The following NALF1 variants were observed in gnomAD, a reference collection of about 807,000 sequenced individuals.
NALF1 encodes the protein family with sequence similarity 155 member A.
In NALF1, 3 loss-of-function variants were observed where a neutral mutation model predicts 48.4. The observed-to-expected ratio is 0.06, with a 90% CI of 0.03 to 0.16. The LOEUF is 0.16. NALF1 is among the 10% of genes least tolerant of loss of function. NALF1 has a pLI of 1.00. For missense variants in NALF1, 526 were observed against 571.5 expected (o/e 0.92, Z 0.81); for synonymous variants, 262 against 245.7 (o/e 1.07, Z -0.62).
At chr13:107,339,126 T>C (rs539160266) in intron 1 of NALF1, among the ~76,000 whole-genome samples, 154 of 107,194 alleles carry the variant, frequency 1.4e-3, no homozygotes, top group Non-Finnish European at 2.0e-3. Context: ...AGAGGGAGAC[T>C]CTGTCTCAGA....
At chr13:107,749,128 T>TTG (rs58213843) in intron 1 of NALF1, among the ~76,000 whole-genome samples, 4,356 of 147,402 alleles carry the variant, frequency 0.03, 193 homozygotes, top group African/African-American at 0.095. Flanking sequence ...ATGTCTATAA[T>TTG]TGTGTGTGTG....
At chr13:107,404,147 G>T (rs918761859) in intron 1 of NALF1, among the ~76,000 whole-genome samples, 1 of 152,112 alleles carries the variant, frequency 6.6e-6, no homozygotes, top group African/African-American at 2.4e-5. Flanking sequence ...TGAAAGAGAT[G>T]TGGGATCAAA....
intron 1 of NALF1, among the ~76,000 whole-genome samples, chr13:107,695,154 T>C (rs576781749): frequency 1.6e-4 from 24 of 152,120 alleles, no homozygotes; most frequent in Non-Finnish European, 2.6e-4. Context: ...GGAAGTTCCT[T>C]ACCCTCTAAG....
chr13:107,663,618 A>G (rs1880783809), intron 1 of NALF1, among the ~76,000 whole-genome samples: 1 of 152,174 alleles, frequency 6.6e-6, no homozygotes, highest in African/African-American at 2.4e-5. Context: ...CTCATGCTAA[A>G]TTCTCCATAT....
chr13:107,256,370 C>T (rs1314548837), intron 1 of NALF1, among the ~76,000 whole-genome samples: 1 of 152,130 alleles, frequency 6.6e-6, no homozygotes, highest in African/African-American at 2.4e-5. Context: ...AGTATTTACA[C>T]CACAGAAACT....
chr13:107,535,802 C>T (rs926693420), intron 1 of NALF1, among the ~76,000 whole-genome samples: 4 of 152,132 alleles, frequency 2.6e-5, no homozygotes, highest in African/African-American at 7.2e-5. Flanking sequence ...AAGCTGGAGG[C>T]ATCATGCTAC....
intron 1 of NALF1, among the ~76,000 whole-genome samples, chr13:107,658,058 T>C (rs1880630612): frequency 6.6e-6 from 1 of 152,192 alleles, no homozygotes; most frequent in African/African-American, 2.4e-5. Flanking sequence ...AGGGACCCTT[T>C]AAAATGCCGA....
intron 2 of NALF1, among the ~76,000 whole-genome samples, chr13:107,174,387 C>T (rs1229515308): frequency 2.0e-5 from 3 of 151,254 alleles, no homozygotes; most frequent in Non-Finnish European, 4.4e-5. Context: ...GACAGAGTCT[C>T]GCTCTGTCGC....
intron 1 of NALF1, among the ~76,000 whole-genome samples, chr13:107,384,616 C>A (rs1313343235): frequency 6.6e-6 from 1 of 151,910 alleles, no homozygotes; most frequent in African/African-American, 2.4e-5. Flanking sequence ...TAAATAAAAC[C>A]AGGCAAGGCA....
In NALF1 at chr13:107,480,586, A is replaced by G. The variant is rs1180405841; in HGVS notation, c.916-269831T>C. ...ACACTAATGACAGCTGATGAGTTAA[A>G]AACAAAATCCCCCCAAAAAGTCTCA... is the stretch of plus-strand genomic sequence containing the variant. On this transcript the variant is annotated intron_variant, in intron 1 of 2. Transcript: ENST00000375915. Among the ~76,000 whole-genome samples the G allele has an allele frequency of 2.0e-5, 3 of 152,196 alleles. No individual in the cohort carries two copies. The South Asian group carries it at 6.2e-4, about 32-fold the overall frequency.
intron 1 of NALF1, among the ~76,000 whole-genome samples, chr13:107,668,799 G>C (rs1223967544): frequency 1.3e-5 from 2 of 151,822 alleles, no homozygotes; most frequent in African/African-American, 4.8e-5. Flanking sequence ...TTATAATTTA[G>C]TTATGGTTCA....
chr13:107,209,804 T>A (rs1230908853), intron 2 of NALF1, among the ~76,000 whole-genome samples: 2 of 152,162 alleles, frequency 1.3e-5, no homozygotes, highest in Admixed American at 1.3e-4. Flanking sequence ...GGACGCCTTA[T>A]AGCATTATTG....
chr13:107,236,695 A>G (rs566664093), intron 1 of NALF1, among the ~76,000 whole-genome samples: 52 of 148,320 alleles, frequency 3.5e-4, no homozygotes, highest in East Asian at 1.6e-3. Context: ...CTATCTATCT[A>G]TCTATCTATC....
chr13:107,286,932 G>T (rs920398454), intron 1 of NALF1, among the ~76,000 whole-genome samples: 1 of 152,208 alleles, frequency 6.6e-6, no homozygotes, highest in Non-Finnish European at 1.5e-5. Context: ...TGATGTGTAA[G>T]GGGTATAATT....
intron 1 of NALF1, among the ~76,000 whole-genome samples, chr13:107,334,831 T>C (rs111924941): frequency 0.024 from 3,612 of 152,326 alleles, 73 homozygotes; most frequent in Middle Eastern, 0.051. Flanking sequence ...GATTGCTCTC[T>C]AAGTTCTTGT....
chr13:107,523,233 C>A (rs1448186839), intron 1 of NALF1, among the ~76,000 whole-genome samples: 2 of 152,164 alleles, frequency 1.3e-5, no homozygotes, highest in Non-Finnish European at 2.9e-5. Context: ...TCATCAAAGA[C>A]AGCAAAACAT....
chr13:107,192,616 C>T (rs182011015), intron 2 of NALF1, among the ~76,000 whole-genome samples: 2 of 152,052 alleles, frequency 1.3e-5, no homozygotes, highest in East Asian at 3.9e-4. Context: ...ATTTATTTAA[C>T]TAAAGGTAAA....
chr13:107,397,360 TA>T (rs1883729917), intron 1 of NALF1, among the ~76,000 whole-genome samples: 1 of 152,182 alleles, frequency 6.6e-6, no homozygotes, highest in Admixed American at 6.6e-5. Context: ...TTCCTGATGT[TA>T]AGGTAAAACT....
At chr13:107,639,951 A>C (rs1447964969) in intron 1 of NALF1, among the ~76,000 whole-genome samples, 1 of 152,192 alleles carries the variant, frequency 6.6e-6, no homozygotes, top group African/African-American at 2.4e-5. Context: ...TATTTAACAC[A>C]TCTTATATTA....
Sources: allele counts gnomAD v4.1 joint callset (sites outside exome capture counted in the v4.1 genomes callset), GRCh38; gene constraint gnomAD v4.1.1; transcripts MANE v1.5; gene names NCBI Gene and HGNC (gene_info 2026-07-23, HGNC 2026-07-21).